Variants in SLC35F1 observed in about 807,000 individuals in gnomAD.
SLC35F1 encodes the protein solute carrier family 35 member F1.
In SLC35F1, 14 loss-of-function variants were observed where a neutral mutation model predicts 48.7. The ratio of observed to expected loss-of-function variants is 0.29; its 90% CI spans 0.19 to 0.45. SLC35F1 has a LOEUF of 0.45. SLC35F1 is among the 20% of genes least tolerant of loss of function. SLC35F1 has a pLI of 1.00. For synonymous variants in SLC35F1, 190 were observed against 202.2 expected (o/e 0.94, Z 0.51); for missense variants, 404 against 500.0 (o/e 0.81, Z 1.83).
chr6:118,244,846 A>G (rs189130492), intron 3 of SLC35F1, among the ~76,000 whole-genome samples: 2 of 152,366 alleles, frequency 1.3e-5, no homozygotes, highest in East Asian at 3.9e-4. Context: ...AGTATCGTGT[A>G]TGTGATAGAT....
intron 1 of SLC35F1, among the ~76,000 whole-genome samples, chr6:118,082,455 A>T (rs1007913711): frequency 1.1e-4 from 16 of 152,216 alleles, no homozygotes; most frequent in Non-Finnish European, 2.2e-4. Flanking sequence ...GGAGAGGAGA[A>T]CTTACGAAAT....
chr6:118,174,849 T>C (rs1004449025), intron 2 of SLC35F1, among the ~76,000 whole-genome samples: 1 of 151,374 alleles, frequency 6.6e-6, no homozygotes, highest in African/African-American at 2.4e-5. Context: ...TCAGAAACAA[T>C]AGAGGCAAGA....
chr6:117,960,442 C>A (rs766129221), intron 1 of SLC35F1, among the ~76,000 whole-genome samples: 4 of 151,954 alleles, frequency 2.6e-5, no homozygotes, highest in Non-Finnish European at 4.4e-5. Context: ...ATAGGCTCAT[C>A]ATTGATTTGG....
intron 1 of SLC35F1, among the ~76,000 whole-genome samples, chr6:117,923,763 GCACATACATATGTATATA>G (rs1775970449): frequency 5.5e-5 from 1 of 18,078 alleles, no homozygotes; most frequent in African/African-American, 2.7e-4. Context: ...ATATACATAT[GCACATACATATGTATATA>G]TACATATATG....
At chr6:117,984,219 G>T (rs975799248) in intron 1 of SLC35F1, among the ~76,000 whole-genome samples, 9 of 152,062 alleles carry the variant, frequency 5.9e-5, no homozygotes, top group Non-Finnish European at 1.5e-5. Flanking sequence ...TATACAGCTT[G>T]CAAGCTAAGA....
intron 1 of SLC35F1, among the ~76,000 whole-genome samples, chr6:118,118,976 G>A (rs1235905792): frequency 2.0e-5 from 3 of 150,212 alleles, no homozygotes; most frequent in African/African-American, 7.3e-5. Context: ...TTCAGACATG[G>A]ATTCTTCTTG....
At chr6:117,943,995 C>G (rs75349352) in intron 1 of SLC35F1, among the ~76,000 whole-genome samples, 7 of 152,238 alleles carry the variant, frequency 4.6e-5, no homozygotes, top group African/African-American at 1.4e-4. Context: ...TAGATCTGAT[C>G]TTTTCATGGG....
chr6:118,234,497 C>G (rs1775336809), intron 2 of SLC35F1, among the ~76,000 whole-genome samples: 2 of 152,132 alleles, frequency 1.3e-5, no homozygotes, highest in Admixed American at 6.5e-5. Flanking sequence ...AGGTCCCTCC[C>G]CAGTCATTTC....
intron 1 of SLC35F1, among the ~76,000 whole-genome samples, chr6:117,941,888 T>A (rs1221220428): frequency 6.6e-6 from 1 of 152,192 alleles, no homozygotes; most frequent in Non-Finnish European, 1.5e-5. Flanking sequence ...GACTCAGTAG[T>A]TGTTGTTGAT....
At chr6:118,121,022 T>G (rs1466658369) in intron 1 of SLC35F1, among the ~76,000 whole-genome samples, 1 of 152,030 alleles carries the variant, frequency 6.6e-6, no homozygotes, top group Non-Finnish European at 1.5e-5. Context: ...TCAAGTAAAC[T>G]CAAATCTTTT....
intron 2 of SLC35F1, among the ~76,000 whole-genome samples, chr6:118,231,370 T>G (rs1273303229): frequency 2.0e-5 from 3 of 152,186 alleles, no homozygotes. Context: ...GTGTTTCTTA[T>G]AGATGGCCCT....
chr6:117,995,779 A>G (rs144047470), intron 1 of SLC35F1, among the ~76,000 whole-genome samples: 2 of 152,174 alleles, frequency 1.3e-5, no homozygotes, highest in Non-Finnish European at 2.9e-5. Context: ...TAAAAATTAA[A>G]AAAAGGGCAG....
At chr6:118,009,800 T>G (rs1394476207) in intron 1 of SLC35F1, among the ~76,000 whole-genome samples, 1 of 152,202 alleles carries the variant, frequency 6.6e-6, no homozygotes, top group East Asian at 1.9e-4. Context: ...CTTAAAAGAT[T>G]TCTAGTTCAA....
intron 2 of SLC35F1, among the ~76,000 whole-genome samples, chr6:118,157,191 G>T (rs1453272909): frequency 6.6e-6 from 1 of 152,132 alleles, no homozygotes; most frequent in Admixed American, 6.5e-5. Context: ...CCCATCCAAC[G>T]CAGGGCTGTG....
At chr6:118,079,421 T>A (rs1456833138) in intron 1 of SLC35F1, among the ~76,000 whole-genome samples, 2 of 152,236 alleles carry the variant, frequency 1.3e-5, no homozygotes, top group African/African-American at 4.8e-5. Context: ...GGAGCCAGGT[T>A]ACTTTCATAT....
intron 6 of SLC35F1, among the ~76,000 whole-genome samples, chr6:118,281,204 C>CTCTCTCTATATA (rs367855949): frequency 1.2e-4 from 16 of 130,486 alleles, no homozygotes; most frequent in Non-Finnish European, 1.6e-4. Flanking sequence ...CTCTCTCTCT[C>CTCTCTCTATATA]TATATATATA....
In SLC35F1 at chr6:118,281,978, C is replaced by T. The variant is rs116761447; in HGVS notation, c.848-3206C>T. 1.1e-3 allele frequency among the ~76,000 whole-genome samples: 163 copies of T among 152,322 alleles called. 1 individual carries two copies. Among genetic ancestry groups the T allele is most frequent in the African/African-American group, 3.8e-3 (158 of 41,564 alleles). ...ATTAGCTGATAATAGTATTTCCCAT[C>T]TCTGTAGCTTAAATCACTTTAGTGC... is the stretch of plus-strand genomic sequence containing the variant. On this transcript the variant is annotated intron_variant, in intron 6 of 7. Transcript: ENST00000360388.
At chr6:118,200,176 A>G (rs1315270798) in intron 2 of SLC35F1, among the ~76,000 whole-genome samples, 1 of 151,944 alleles carries the variant, frequency 6.6e-6, no homozygotes, top group African/African-American at 2.4e-5. Flanking sequence ...ACATACATAC[A>G]TACATACATA....
intron 3 of SLC35F1, among the ~76,000 whole-genome samples, chr6:118,241,355 C>T (rs750713888): frequency 3.3e-5 from 5 of 152,116 alleles, no homozygotes; most frequent in Non-Finnish European, 5.9e-5. Context: ...CTGCACCACA[C>T]TTATGGTTAA....
Sources: allele counts gnomAD v4.1 joint callset (sites outside exome capture counted in the v4.1 genomes callset), GRCh38; gene constraint gnomAD v4.1.1; transcripts MANE v1.5; gene names NCBI Gene and HGNC (gene_info 2026-07-23, HGNC 2026-07-21).